The following GREB1L variants were observed in gnomAD, a reference collection of about 807,000 sequenced individuals.
GREB1L encodes GREB1-like protein.
A neutral mutation model predicts 200.8 loss-of-function variants in GREB1L; 17 were observed. The observed-to-expected ratio is 0.08, with a 90% CI of 0.06 to 0.13. The LOEUF is 0.13. Among genes scored for constraint, GREB1L ranks in the 10% least tolerant of loss-of-function variants. GREB1L has a pLI of 1.00. For synonymous variants in GREB1L, 789 were observed against 893.0 expected (o/e 0.88, Z 2.08); for missense variants, 1,657 against 2,367.7 (o/e 0.70, Z 6.23).
chr18:21,420,069 T>C (rs1433530275), intron 7 of GREB1L, among the ~76,000 whole-genome samples: 6 of 151,950 alleles, frequency 3.9e-5, no homozygotes, highest in African/African-American at 1.5e-4. Context: ...CTCCTTCAAA[T>C]GAGAATGAAA....
Position 21,383,391 on chromosome 18 carries a change from A to G in GREB1L, c.-9-119A>G, listed in dbSNP as rs561968854. The G allele has an allele frequency of 8.3e-6, 6 of 722,272 alleles. No individual in the cohort carries two copies. In the South Asian group the frequency reaches 1.4e-4, roughly 17 times the overall value. 44.7% of individuals were successfully genotyped at this position (722,272 alleles called of 1,614,324 possible). A position where few individuals can be genotyped will look rare whatever the true frequency, so the allele number is the denominator to read the frequency against. On this transcript the variant is annotated intron_variant, in intron 2 of 32. Coordinates refer to ENST00000424526, the MANE Select transcript of GREB1L (RefSeq NM_001142966.3). ...CTTAAGATCTCTGGGTAGTTCATAT[A>G]TTTCACATCTTAACAAGATATATGG...
At chr18:21,348,547 G>T (rs973735283) in intron 1 of GREB1L, among the ~76,000 whole-genome samples, 2 of 152,134 alleles carry the variant, frequency 1.3e-5, no homozygotes, top group African/African-American at 4.8e-5. Context: ...GGCTGAGGCA[G>T]GTGGATCACT....
At chr18:21,495,520 C>T in intron 19 of GREB1L, 150 bp from the exon 20 acceptor site, 1 of 611,686 alleles carries the variant, frequency 1.6e-6, no homozygotes, top group Non-Finnish European at 2.9e-6. Flanking sequence ...GATGTAGTAG[C>T]AGTTAAAATA....
intron 19 of GREB1L, 84 bp downstream of exon 19, chr18:21,490,435 G>A (rs1396025602): frequency 9.3e-7 from 1 of 1,081,064 alleles, no homozygotes; most frequent in Non-Finnish European, 1.3e-6. Context: ...TCAGGGGCCT[G>A]AGTTTAATAG....
chr18:21,327,933 C>G (rs1015317831), intron 1 of GREB1L, among the ~76,000 whole-genome samples: 1 of 152,102 alleles, frequency 6.6e-6, no homozygotes, highest in Non-Finnish European at 1.5e-5. Context: ...CCAGAATGGT[C>G]TTGATCTCCT....
chr18:21,376,583 T>C (rs2040080926), intron 2 of GREB1L, among the ~76,000 whole-genome samples: 1 of 151,346 alleles, frequency 6.6e-6, no homozygotes, highest in African/African-American at 2.4e-5. Flanking sequence ...GGTGGGCGGA[T>C]CACGAGGTCC....
intron 1 of GREB1L, among the ~76,000 whole-genome samples, chr18:21,351,844 TTTTA>T (rs1439506203): frequency 1.3e-5 from 2 of 151,540 alleles, no homozygotes; most frequent in Non-Finnish European, 2.9e-5. Context: ...TTTTATTTTA[TTTTA>T]TTTATTTATT....
intron 7 of GREB1L, among the ~76,000 whole-genome samples, chr18:21,405,541 C>G (rs2030093488): frequency 6.6e-6 from 1 of 152,194 alleles, no homozygotes; most frequent in African/African-American, 2.4e-5. Context: ...TGGTTCATGC[C>G]TGTAATCCTA....
At chr18:21,301,601 G>C (rs2038618129) in intron 1 of GREB1L, among the ~76,000 whole-genome samples, 1 of 152,186 alleles carries the variant, frequency 6.6e-6, no homozygotes. Flanking sequence ...TTAAATATTA[G>C]TTAGGTTTCT....
rs1386614428 is a variant in GREB1L at position 21,452,112 on chromosome 18, A to G, written c.1879A>G (p.Met627Val). The G allele has an allele frequency of 1.3e-6, 2 of 1,552,234 alleles. No individual in the cohort carries two copies. Among genetic ancestry groups the G allele is most frequent in the Non-Finnish European group, 1.7e-6 (2 of 1,147,064 alleles). Residue 627 changes from methionine to valine, a missense_variant, in exon 14 of 33, where the codon ATG becomes GTG. Physicochemically the swap from Met to Val is conservative, Grantham distance 21 (BLOSUM62 1). Around this residue, in one of 9 missense-constraint regions of GREB1L, gnomAD observed 239 missense variants for 421.8 expected, o/e 0.57. Transcript: ENST00000424526. The stretch of plus-strand genomic sequence containing the variant: ...TGACCTAGACAAGCTGCTGGAAAAA[A>G]TGCAACAAAGAAGAGGAGACAGTGT... ...GDDLDKLLEK[M>V]QQRRGDSVVT...
intron 1 of GREB1L, among the ~76,000 whole-genome samples, chr18:21,310,735 T>G (rs573559217): frequency 2.6e-5 from 4 of 152,366 alleles, no homozygotes; most frequent in Non-Finnish European, 5.9e-5. Flanking sequence ...GATTTCATAT[T>G]CTATTACTAA....
At position 21,379,649 on chromosome 18, in the gene GREB1L, A is replaced by G. The variant is rs1446934256; in HGVS notation, c.-9-3861A>G. On this transcript the variant is annotated intron_variant, in intron 2 of 32. Transcript: ENST00000424526. Reference sequence around the variant, plus strand: ...TTATTTCATTGTTCACAGATAAGCAATCCTATGGTTAACTCTGTGCTAGTT... The same window carrying G: ...TTATTTCATTGTTCACAGATAAGCAGTCCTATGGTTAACTCTGTGCTAGTT... Among the ~76,000 whole-genome samples the G allele has an allele frequency of 7.2e-5, 11 of 152,324 alleles. No homozygotes were observed. The East Asian group carries it at 1.9e-3, about 27-fold the overall frequency.
rs1338568100 is a variant in GREB1L, at chr18:21,274,306, C to T, written c.-120+31913C>T. Among the ~76,000 whole-genome samples the T allele has an allele frequency of 5.9e-5, 9 of 152,272 alleles. No homozygotes were observed. The East Asian group carries it at 1.7e-3, about 29-fold the overall frequency. On this transcript the variant is annotated intron_variant, in intron 1 of 32. Coordinates refer to ENST00000424526, the MANE Select transcript of GREB1L (RefSeq NM_001142966.3). ...AAAAACTTAACTCCTAAAACCATCA[C>T]CTTGGGGGTTAGGATTTCAACATAT... is the stretch of plus-strand genomic sequence containing the variant.
intron 1 of GREB1L, among the ~76,000 whole-genome samples, chr18:21,337,996 G>GAA (rs780548578): frequency 6.6e-6 from 1 of 151,730 alleles, no homozygotes; most frequent in South Asian, 2.1e-4. Context: ...CAAAAAAAAA[G>GAA]AAAAAAAATT....
At chr18:21,376,093 TTC>T (rs149573179) in intron 2 of GREB1L, among the ~76,000 whole-genome samples, 45 of 148,520 alleles carry the variant, frequency 3.0e-4, no homozygotes, top group Admixed American at 4.0e-4. Context: ...AGGAGGGCAT[TTC>T]TCTCTCTCTC....
intron 1 of GREB1L, among the ~76,000 whole-genome samples, chr18:21,300,190 T>C (rs1466186042): frequency 6.6e-6 from 1 of 152,232 alleles, no homozygotes; most frequent in Non-Finnish European, 1.5e-5. Context: ...TGTTGTGTGA[T>C]GCTAATAGGA....
intron 1 of GREB1L, among the ~76,000 whole-genome samples, chr18:21,280,497 A>C (rs1401733227): frequency 1.3e-5 from 2 of 152,096 alleles, no homozygotes; most frequent in Admixed American, 6.5e-5. Flanking sequence ...GGGCAATTAT[A>C]AATAAAGCTG....
chr18:21,267,804 C>CT (rs769798986), intron 1 of GREB1L, among the ~76,000 whole-genome samples: 4,850 of 133,748 alleles, frequency 0.036, 272 homozygotes, highest in African/African-American at 0.12. Context: ...CCACCCCAAG[C>CT]TTTTTTTTTT....
At chr18:21,464,314 G>A (rs2035178490) in intron 15 of GREB1L, among the ~76,000 whole-genome samples, 1 of 152,020 alleles carries the variant, frequency 6.6e-6, no homozygotes, top group Non-Finnish European at 1.5e-5. Context: ...CGGATCATGA[G>A]GTCAAGAGAT....
Sources: allele counts gnomAD v4.1 joint callset (sites outside exome capture counted in the v4.1 genomes callset), GRCh38; gene constraint gnomAD v4.1.1; regional missense constraint gnomAD v4.1.1; transcripts MANE v1.5; gene names NCBI Gene and HGNC (gene_info 2026-07-23, HGNC 2026-07-21).